ATG4B: variants seen among roughly 807,000 people sequenced by gnomAD.
ATG4B encodes the protein cysteine protease ATG4B.
In ATG4B, 29 loss-of-function variants were observed where a neutral mutation model predicts 56.6. That is an observed-to-expected ratio of 0.51 (90% CI 0.38 to 0.70). The LOEUF (loss-of-function observed/expected upper bound fraction) is 0.70, where lower values mean the gene tolerates loss of function less well. ATG4B is among the 30% of genes least tolerant of loss of function. The pLI is 0.00. For synonymous variants in ATG4B, 224 were observed against 206.1 expected (o/e 1.09, Z -0.74); for missense variants, 461 against 515.5 (o/e 0.89, Z 1.02).
In ATG4B at chr2:241,651,205, T is replaced by C. The variant is rs1275759776; in HGVS notation, c.113-59T>C. ...TCTCTGCTAACTCTGCCATAACTTGTGACTTGCAAACTTAAGGCGTTGTGT... is the reference window on the plus strand; with the variant it reads ...TCTCTGCTAACTCTGCCATAACTTGCGACTTGCAAACTTAAGGCGTTGTGT... On this transcript the variant is annotated intron_variant, in intron 2 of 12. Coordinates refer to ENST00000404914, the MANE Select transcript of ATG4B (RefSeq NM_013325.5). This position sits in a 1 kb window ranked among gnomAD's most constrained non-coding sequence, Gnocchi z 4.1. The C allele has an allele frequency of 1.4e-5, 22 of 1,557,142 alleles. No homozygotes were observed. The highest frequency in any genetic ancestry group is 1.8e-5 in the Non-Finnish European group (21 of 1,144,550).
chr2:241,642,692 A>G (rs928340930), intron 1 of ATG4B, among the ~76,000 whole-genome samples: 1 of 151,328 alleles, frequency 6.6e-6, no homozygotes, highest in Non-Finnish European at 1.5e-5. Context: ...GTACTAAGTC[A>G]CATGTTTTTT....
intron 7 of ATG4B, among the ~76,000 whole-genome samples, chr2:241,664,955 G>C (rs1434531873): frequency 1.3e-5 from 2 of 151,854 alleles, no homozygotes; most frequent in Non-Finnish European, 2.9e-5. Context: ...CAGAGAATCG[G>C]CTTCAAAAAA....
intron 7 of ATG4B, among the ~76,000 whole-genome samples, chr2:241,666,139 C>T (rs1368140169): frequency 2.0e-5 from 3 of 152,322 alleles, no homozygotes; most frequent in South Asian, 4.1e-4. Flanking sequence ...TGAGAAACCT[C>T]GATCTAGACG....
chr2:241,666,264 G>C (rs1271687705), intron 7 of ATG4B, among the ~76,000 whole-genome samples: 2 of 152,228 alleles, frequency 1.3e-5, no homozygotes, highest in Admixed American at 1.3e-4. Flanking sequence ...TGGAAGCGAG[G>C]AAAGGCGTTG....
Position 241,656,700 on chromosome 2 carries a change from C to T in ATG4B, c.458+1357C>T, listed in dbSNP as rs568999604. Among the ~76,000 whole-genome samples, 3 of 152,316 alleles carry T rather than the reference C, an allele frequency of 2.0e-5. No individual in the cohort carries two copies. The South Asian group carries it at 6.2e-4, about 32-fold the overall frequency. On this transcript the variant is annotated intron_variant, in intron 6 of 12. Coordinates refer to ENST00000404914, the MANE Select transcript of ATG4B (RefSeq NM_013325.5). ...AGCTCAGGTCCAGCTGCTTATTCTGCATTTCCACCTGGGTATCTGTGTGCA... is the reference window on the plus strand; with the variant it reads ...AGCTCAGGTCCAGCTGCTTATTCTGTATTTCCACCTGGGTATCTGTGTGCA...
intron 1 of ATG4B, among the ~76,000 whole-genome samples, chr2:241,639,390 C>T (rs1307421708): frequency 6.6e-6 from 1 of 152,226 alleles, no homozygotes; most frequent in African/African-American, 2.4e-5. Context: ...CAGGCTATAG[C>T]TCTGGGGCTG....
rs570950911 is a variant in ATG4B at position 241,645,856 on chromosome 2, G to C, written c.11-5154G>C. On this transcript the variant is annotated intron_variant, in intron 1 of 12. Coordinates refer to ENST00000404914, the MANE Select transcript of ATG4B (RefSeq NM_013325.5). ...TCCCAACAGAGGGCAGGATTCTCGG[G>C]GAGGGCCGGAGTGCGTTTCTCTGGA... 4.6e-5 allele frequency among the ~76,000 whole-genome samples: 7 copies of C among 152,292 alleles called. No homozygotes were observed. In the South Asian group the frequency reaches 1.5e-3, roughly 32 times the overall value.
chr2:241,644,486 G>A (rs1185647685), intron 1 of ATG4B, among the ~76,000 whole-genome samples: 1 of 152,226 alleles, frequency 6.6e-6, no homozygotes, highest in Non-Finnish European at 1.5e-5. Context: ...TTTCATGGGT[G>A]AGGAGACTGA....
At position 241,666,709 on chromosome 2, in the gene ATG4B, G is replaced by T. The variant is rs775872156; in HGVS notation, c.603G>T (p.Arg201=). The change falls in exon 8 of 13, where the codon CGG becomes CGT. Residue 201 remains arginine (R), a synonymous_variant. Coordinates refer to ENST00000404914, the MANE Select transcript of ATG4B (RefSeq NM_013325.5). Reference sequence around the variant, plus strand: ...CTGCGTTTCCTGCAGATTCCGACCGGCACTGCAACGGATTCCCTGCCGGAG... The same window carrying T: ...CTGCGTTTCCTGCAGATTCCGACCGTCACTGCAACGGATTCCCTGCCGGAG... ...GATAFPADSD[R]HCNGFPAGAE... 2 of 1,612,944 alleles carry T rather than the reference G, an allele frequency of 1.2e-6. No individual in the cohort carries two copies. The highest frequency in any genetic ancestry group is 3.3e-5 in the Admixed American group (2 of 59,880).
intron 6 of ATG4B, among the ~76,000 whole-genome samples, chr2:241,656,585 CCT>C (rs1412816132): frequency 2.0e-5 from 3 of 152,250 alleles, no homozygotes; most frequent in African/African-American, 7.2e-5. Flanking sequence ...AGCCCCCGCC[CCT>C]GTTGCTGGAT....
chr2:241,663,863 G>T (rs1020783677), intron 7 of ATG4B, among the ~76,000 whole-genome samples: 1 of 151,006 alleles, frequency 6.6e-6, no homozygotes, highest in African/African-American at 2.4e-5. Context: ...CTGGAGTGCA[G>T]TGGTGGCACG....
In ATG4B at chr2:241,668,789, G is replaced by A; in HGVS notation, c.957+104G>A. ...TTGCGTTTTTTTTTTCAGCATGTTG[G>A]GATAAGTACTGTGTTCACGTGGTTG... On this transcript the variant is annotated intron_variant, in intron 10 of 12. Coordinates refer to ENST00000404914, the MANE Select transcript of ATG4B (RefSeq NM_013325.5). This position sits in a 1 kb window ranked among gnomAD's most constrained non-coding sequence, Gnocchi z 4.2. The A allele has an allele frequency of 1.4e-6, 2 of 1,466,618 alleles. No individual in the cohort carries two copies. The highest frequency in any genetic ancestry group is 1.8e-6 in the Non-Finnish European group (2 of 1,099,620). The allele number at this position is 1,466,618 out of a possible 1,614,324, so 90.9% of individuals were successfully genotyped here.
intron 1 of ATG4B, 181 bp downstream of exon 1, chr2:241,637,905 C>CGG: frequency 5.9e-6 from 1 of 170,198 alleles, no homozygotes; most frequent in Non-Finnish European, 1.2e-5. Context: ...GCGGTGGGAG[C>CGG]GGGAGGGGGA....
At chr2:241,654,247 C>A (rs183185895) in intron 4 of ATG4B, among the ~76,000 whole-genome samples, 1 of 151,650 alleles carries the variant, frequency 6.6e-6, no homozygotes, top group African/African-American at 2.4e-5. Flanking sequence ...ATGGTGAAAC[C>A]CCATCTCTAC....
chr2:241,662,802 C>T (rs931041951), intron 7 of ATG4B, among the ~76,000 whole-genome samples: 11 of 151,864 alleles, frequency 7.2e-5, no homozygotes, highest in African/African-American at 2.4e-4. Flanking sequence ...GCGGGCCGGG[C>T]GCGGTGGCTC....
chr2:241,637,696 C>A lies in ATG4B; in HGVS notation c.-19C>A, dbSNP rs376238186. The stretch of plus-strand genomic sequence containing the variant: ...TCGGAGCGACGCCGCTCGGGTCAGT[C>A]GGCGGCCGGACTGGGAAGATGGACG... On this transcript the variant is annotated 5_prime_UTR_variant, in exon 1 of 13. Transcript: ENST00000404914. 33 of 1,583,980 alleles carry A rather than the reference C, an allele frequency of 2.1e-5. No homozygotes were observed. Among genetic ancestry groups the A allele is most frequent in the Non-Finnish European group, 2.6e-5 (30 of 1,167,860 alleles).
chr2:241,666,585 G>A (rs889623944), intron 7 of ATG4B, 60 bp from the exon 8 acceptor site: 17 of 1,556,852 alleles, frequency 1.1e-5, no homozygotes, highest in Non-Finnish European at 1.5e-5. Context: ...TTGCTTGCTT[G>A]TTGTGGGAGC....
intron 7 of ATG4B, among the ~76,000 whole-genome samples, chr2:241,665,835 C>T (rs565520181): frequency 6.6e-6 from 1 of 152,362 alleles, no homozygotes; most frequent in East Asian, 1.9e-4. Context: ...GCCGCCTTTT[C>T]TCCCATCACT....
chr2:241,639,227 G>A (rs925398897), intron 1 of ATG4B, among the ~76,000 whole-genome samples: 2 of 152,214 alleles, frequency 1.3e-5, no homozygotes, highest in African/African-American at 2.4e-5. Context: ...CAACTCCCAC[G>A]GCGGACTCCA....
Sources: gnomAD v4.1 joint callset for allele counts (sites outside exome capture counted in the v4.1 genomes callset) on GRCh38, gnomAD v4.1.1 for gene constraint, Gnocchi (gnomAD v3.1) non-coding constraint, MANE v1.5 for transcripts, NCBI Gene and HGNC (gene_info 2026-07-23, HGNC 2026-07-21) for gene names.